MAGI3: variants seen among roughly 807,000 people sequenced by gnomAD.
MAGI3 encodes membrane associated guanylate kinase, WW and PDZ domain containing 3, also known as membrane-associated guanylate kinase, WW and PDZ domain-containing protein 3.
Under a neutral mutation model 121.8 loss-of-function variants are expected in MAGI3, and 43 were observed. That is an observed-to-expected ratio of 0.35 (90% CI 0.28 to 0.46). The LOEUF (loss-of-function observed/expected upper bound fraction) is 0.46. Ranked by LOEUF, MAGI3 falls within the 20% of genes least tolerant of loss-of-function variation. MAGI3 has a pLI of 1.00. For synonymous variants in MAGI3, 553 were observed against 639.3 expected, an observed-to-expected ratio of 0.86 and a Z score of 2.04; for missense variants, 1,547 against 1,797.3, an observed-to-expected ratio of 0.86 and a Z score of 2.52.
At chr1:113,411,199 T>C (rs1173666905) in intron 1 of MAGI3, among the ~76,000 whole-genome samples, 1 of 152,164 alleles carries the variant, frequency 6.6e-6, no homozygotes, top group Non-Finnish European at 1.5e-5. Context: ...ATATAATTTA[T>C]TCTTAGCAAC....
intron 4 of MAGI3, among the ~76,000 whole-genome samples, chr1:113,589,819 T>C (rs1433720949): frequency 6.6e-6 from 1 of 152,128 alleles, no homozygotes; most frequent in Non-Finnish European, 1.5e-5. Flanking sequence ...TTTAGTATTC[T>C]TACCTACATT....
At chr1:113,467,563 C>T (rs1407445210) in intron 1 of MAGI3, among the ~76,000 whole-genome samples, 5 of 152,092 alleles carry the variant, frequency 3.3e-5, no homozygotes, top group Non-Finnish European at 7.4e-5. Flanking sequence ...GACAGTGTTT[C>T]ACTCTGTCAC....
intron 16 of MAGI3, 62 bp from the exon 17 acceptor site, chr1:113,671,671 TC>T: frequency 1.3e-6 from 2 of 1,496,106 alleles, no homozygotes; most frequent in Middle Eastern, 1.7e-4. Flanking sequence ...CCTTCACAGA[TC>T]CGCTTGGCCT....
intron 4 of MAGI3, among the ~76,000 whole-genome samples, chr1:113,586,024 T>C (rs1648346912): frequency 6.6e-6 from 1 of 152,194 alleles, no homozygotes; most frequent in African/African-American, 2.4e-5. Flanking sequence ...GGTTGGTTTA[T>C]AATATTTTGA....
intron 2 of MAGI3, among the ~76,000 whole-genome samples, chr1:113,575,235 A>G (rs1570887246): frequency 6.6e-6 from 1 of 152,162 alleles, no homozygotes; most frequent in South Asian, 2.1e-4. Flanking sequence ...CCCTTGTCAG[A>G]GAGGAGTTGT....
intron 1 of MAGI3, among the ~76,000 whole-genome samples, chr1:113,477,566 T>C (rs1180205857): frequency 6.6e-6 from 1 of 152,210 alleles, no homozygotes; most frequent in African/African-American, 2.4e-5. Flanking sequence ...CCACTGTCTT[T>C]TGGCTTGTAG....
rs959948018 is a variant in MAGI3 at position 113,580,799 on chromosome 1, G to C, written c.553+138G>C. ...TCTGTTTTTGAGAAAATTTTCTTTT[G>C]ATGGGGAGATTTGTAATTTATTAAT... On this transcript the variant is annotated intron_variant, in intron 3 of 20. Transcript: ENST00000307546. The C allele has an allele frequency of 6.3e-6, 4 of 638,900 alleles. No homozygotes were observed. In the African/African-American group the frequency reaches 7.6e-5, roughly 12 times the overall value. 39.6% of individuals were successfully genotyped at this position (638,900 alleles called of 1,614,324 possible).
At position 113,611,951 on chromosome 1, in the gene MAGI3, A is replaced by ATTTT. The variant is rs370809918; in HGVS notation, c.1019-2647_1019-2646insTTTT. On this transcript the variant is annotated intron_variant, in intron 6 of 20. Coordinates refer to ENST00000307546, the MANE Select transcript of MAGI3 (RefSeq NM_001142782.2). ...CTAATCCCAACTTATTTATTTATTTATTTATTTATTTATTTATTTGACTCG... is the reference window on the plus strand; with the variant it reads ...CTAATCCCAACTTATTTATTTATTTATTTTTTTATTTATTTATTTATTTGACTCG... Among the ~76,000 whole-genome samples the ATTTT allele has an allele frequency of 8.6e-5, 13 of 150,822 alleles. No homozygotes were observed. In the East Asian group the frequency reaches 2.1e-3, roughly 25 times the overall value.
chr1:113,432,497 T>A (rs183621485), intron 1 of MAGI3, among the ~76,000 whole-genome samples: 81 of 152,306 alleles, frequency 5.3e-4, no homozygotes, highest in East Asian at 3.1e-3. Context: ...GGCATTTGTT[T>A]ATGACCGTAG....
chr1:113,612,655 T>C (rs1650228226), intron 6 of MAGI3, among the ~76,000 whole-genome samples: 1 of 152,024 alleles, frequency 6.6e-6, no homozygotes, highest in Admixed American at 6.6e-5. Flanking sequence ...TTGCTAATGG[T>C]ATCAGTGGTA....
intron 1 of MAGI3, among the ~76,000 whole-genome samples, chr1:113,475,708 C>A (rs918797152): frequency 5.3e-5 from 8 of 152,062 alleles, no homozygotes; most frequent in African/African-American, 1.9e-4. Context: ...TGTGTCTCTG[C>A]CAGGCTTTGG....
At chr1:113,396,205 T>C (rs1651108169) in intron 1 of MAGI3, among the ~76,000 whole-genome samples, 1 of 151,998 alleles carries the variant, frequency 6.6e-6, no homozygotes, top group Admixed American at 6.6e-5. Context: ...CTTAGTGTTT[T>C]GGGAGTATGT....
intron 6 of MAGI3, among the ~76,000 whole-genome samples, chr1:113,601,672 C>T (rs1055184158): frequency 6.9e-6 from 1 of 145,946 alleles, no homozygotes; most frequent in African/African-American, 2.6e-5. Flanking sequence ...GGCGATTCCT[C>T]AGGGATCTAG....
chr1:113,602,191 G>A (rs1649440947), intron 6 of MAGI3, among the ~76,000 whole-genome samples: 1 of 151,880 alleles, frequency 6.6e-6, no homozygotes, highest in Admixed American at 6.6e-5. Flanking sequence ...CCTGCACATT[G>A]TGCACATGTA....
intron 1 of MAGI3, among the ~76,000 whole-genome samples, chr1:113,456,310 C>T (rs2101502236): frequency 6.6e-6 from 1 of 152,154 alleles, no homozygotes; most frequent in East Asian, 1.9e-4. Flanking sequence ...TCCTCTCTCT[C>T]TCTCCCTCTC....
chr1:113,624,355 C>G (rs1651087514), intron 9 of MAGI3, among the ~76,000 whole-genome samples: 1 of 152,118 alleles, frequency 6.6e-6, no homozygotes, highest in Admixed American at 6.5e-5. Context: ...TTCACCACAC[C>G]CTCTCCAGCA....
chr1:113,542,150 C>T lies in MAGI3; in HGVS notation c.317-7365C>T, dbSNP rs1659318826. Among the ~76,000 whole-genome samples the T allele has an allele frequency of 1.3e-5, 2 of 152,148 alleles. 1 individual carries two copies. The highest frequency in any genetic ancestry group is 4.1e-4 in the South Asian group (2 of 4,820). On this transcript the variant is annotated intron_variant, in intron 1 of 20. Transcript: ENST00000307546. Reference sequence around the variant, plus strand: ...TTGGGGGATATGTCCCAAGACCCCCCAGTGGATGCCGGAAACCATGGATTG... The same window carrying T: ...TTGGGGGATATGTCCCAAGACCCCCTAGTGGATGCCGGAAACCATGGATTG...
intron 1 of MAGI3, among the ~76,000 whole-genome samples, chr1:113,427,720 A>G (rs926310815): frequency 1.3e-5 from 2 of 152,260 alleles, no homozygotes; most frequent in African/African-American, 2.4e-5. Context: ...AAGAGAAATC[A>G]GTCTAAGCTA....
intron 1 of MAGI3, among the ~76,000 whole-genome samples, chr1:113,421,910 A>T (rs1443303745): frequency 1.3e-5 from 2 of 148,166 alleles, no homozygotes; most frequent in Admixed American, 6.7e-5. Context: ...TTGCTTACTG[A>T]TTGTCTGATG....
Sources: allele counts gnomAD v4.1 joint callset (sites outside exome capture counted in the v4.1 genomes callset), GRCh38; gene constraint gnomAD v4.1.1; transcripts MANE v1.5; gene names NCBI Gene and HGNC (gene_info 2026-07-23, HGNC 2026-07-21).